The following GPR39 variants were observed in gnomAD, a reference collection of about 807,000 sequenced individuals.
GPR39 encodes zinc sensing receptor.
GPR39 carries 23 observed loss-of-function variants against 18.4 expected under a neutral mutation model. That is an observed-to-expected ratio of 1.25 (90% confidence interval 0.90 to 1.77). GPR39 has a LOEUF of 1.77. Ranked by LOEUF, GPR39 falls within the 40% of genes most tolerant of loss-of-function variation. The pLI is 0.00. For missense variants in GPR39, 647 were observed against 602.4 expected (o/e 1.07, Z -0.78); for synonymous variants, 280 against 257.9 (o/e 1.09, Z -0.82).
chr2:132,551,714 C>T (rs1012539800), intron 1 of GPR39, among the ~76,000 whole-genome samples: 2 of 152,162 alleles, frequency 1.3e-5, no homozygotes, highest in African/African-American at 4.8e-5. Flanking sequence ...AACAGTTTAC[C>T]TGCACTATAT....
intron 1 of GPR39, among the ~76,000 whole-genome samples, chr2:132,420,221 ATTTACCG>A (rs1269460373): frequency 6.6e-6 from 1 of 152,204 alleles, no homozygotes; most frequent in East Asian, 1.9e-4. Flanking sequence ...TCCTGGGGGA[ATTTACCG>A]TTTGTATTTA....
chr2:132,569,774 T>A lies in GPR39; in HGVS notation c.857-75327T>A, dbSNP rs186628106. Among the ~76,000 whole-genome samples the A allele has an allele frequency of 2.6e-5, 4 of 151,998 alleles. No individual in the cohort carries two copies. The East Asian group carries it at 7.7e-4, about 29-fold the overall frequency. On this transcript the variant is annotated intron_variant, in intron 1 of 1. Transcript: ENST00000329321. ...AGGGACCCAGTGGGAGATGATTGAA[T>A]CATGGGGTCAGGTCTTTCCTGTGCT...
intron 1 of GPR39, among the ~76,000 whole-genome samples, chr2:132,540,379 G>C (rs1055161839): frequency 6.6e-6 from 1 of 152,108 alleles, no homozygotes; most frequent in Non-Finnish European, 1.5e-5. Flanking sequence ...GGTCAGGAAG[G>C]AGCTTAGCCA....
intron 1 of GPR39, among the ~76,000 whole-genome samples, chr2:132,567,622 G>A (rs1019654611): frequency 1.3e-5 from 2 of 152,258 alleles, no homozygotes; most frequent in Admixed American, 1.3e-4. Flanking sequence ...CCGGTGTTAG[G>A]TATTCAGCTA....
At chr2:132,510,199 C>T (rs780094246) in intron 1 of GPR39, among the ~76,000 whole-genome samples, 3 of 152,076 alleles carry the variant, frequency 2.0e-5, no homozygotes, top group Non-Finnish European at 2.9e-5. Flanking sequence ...TTTTGTGAAG[C>T]GGGTTCACTG....
At chr2:132,443,858 C>A (rs2104766642) in intron 1 of GPR39, among the ~76,000 whole-genome samples, 1 of 152,242 alleles carries the variant, frequency 6.6e-6, no homozygotes, top group African/African-American at 2.4e-5. Context: ...TCTCTTGAGC[C>A]CAGGTGTTCG....
chr2:132,462,846 G>C (rs889161572), intron 1 of GPR39, among the ~76,000 whole-genome samples: 2 of 152,118 alleles, frequency 1.3e-5, no homozygotes, highest in African/African-American at 4.8e-5. Flanking sequence ...AAATAATACA[G>C]ATAAAGCATT....
chr2:132,644,666 G>T (rs974299542), intron 1 of GPR39, among the ~76,000 whole-genome samples: 2 of 139,934 alleles, frequency 1.4e-5, no homozygotes, highest in Non-Finnish European at 3.2e-5. Context: ...TCTTCTTTGT[G>T]CAGACATCCT....
intron 1 of GPR39, among the ~76,000 whole-genome samples, chr2:132,613,721 C>G (rs1185589864): frequency 6.6e-6 from 1 of 152,206 alleles, no homozygotes; most frequent in Admixed American, 6.5e-5. Flanking sequence ...TTGTCCTCAT[C>G]TTGTTCTTTC....
chr2:132,534,825 A>T (rs1053904338), intron 1 of GPR39, among the ~76,000 whole-genome samples: 40 of 149,732 alleles, frequency 2.7e-4, no homozygotes, highest in Middle Eastern at 3.4e-3. Context: ...AACATCACAC[A>T]CTGGGGACTG....
At chr2:132,496,802 T>C (rs1239777204) in intron 1 of GPR39, among the ~76,000 whole-genome samples, 1 of 152,228 alleles carries the variant, frequency 6.6e-6, no homozygotes, top group African/African-American at 2.4e-5. Flanking sequence ...CTATGCACCC[T>C]GTGCCAGGAG....
At chr2:132,522,008 C>T (rs1208850702) in intron 1 of GPR39, among the ~76,000 whole-genome samples, 1 of 152,148 alleles carries the variant, frequency 6.6e-6, no homozygotes, top group African/African-American at 2.4e-5. Flanking sequence ...CTCCCCTTCC[C>T]TTTGTGCTAA....
chr2:132,557,130 C>T (rs578108316), intron 1 of GPR39, among the ~76,000 whole-genome samples: 60 of 152,182 alleles, frequency 3.9e-4, no homozygotes, highest in Middle Eastern at 3.4e-3. Context: ...ACCAGCCTGG[C>T]CAACATGGTG....
chr2:132,589,743 C>T (rs1184434084), intron 1 of GPR39, among the ~76,000 whole-genome samples: 1 of 152,192 alleles, frequency 6.6e-6, no homozygotes, highest in African/African-American at 2.4e-5. Context: ...AAAAGGTGTC[C>T]CATTGCTCTA....
intron 1 of GPR39, among the ~76,000 whole-genome samples, chr2:132,459,974 A>G (rs1306914097): frequency 6.6e-6 from 1 of 152,324 alleles, no homozygotes; most frequent in South Asian, 2.1e-4. Context: ...GTCATGTTCC[A>G]GAGTATCAGA....
At chr2:132,518,313 G>A (rs1455522047) in intron 1 of GPR39, among the ~76,000 whole-genome samples, 1 of 152,210 alleles carries the variant, frequency 6.6e-6, no homozygotes, top group African/African-American at 2.4e-5. Context: ...CTGGATTTAT[G>A]TCCCTCTCCA....
intron 1 of GPR39, among the ~76,000 whole-genome samples, chr2:132,478,186 G>GAA (rs1224104439): frequency 2.0e-5 from 3 of 152,190 alleles, no homozygotes; most frequent in Non-Finnish European, 4.4e-5. Flanking sequence ...AGGCAGCAAA[G>GAA]AAAAAGTCTG....
At chr2:132,642,228 T>C (rs572273598) in intron 1 of GPR39, among the ~76,000 whole-genome samples, 20 of 152,340 alleles carry the variant, frequency 1.3e-4, no homozygotes, top group African/African-American at 4.8e-4. Context: ...GTCTCTCTTG[T>C]TCTACAAGTT....
At chr2:132,421,793 T>A (rs928061617) in intron 1 of GPR39, among the ~76,000 whole-genome samples, 5 of 151,868 alleles carry the variant, frequency 3.3e-5, no homozygotes, top group African/African-American at 1.2e-4. Context: ...GACCACAGAA[T>A]TAGGTCAAAC....
Sources: gnomAD v4.1 joint callset for allele counts (sites outside exome capture counted in the v4.1 genomes callset) on GRCh38, gnomAD v4.1.1 for gene constraint, MANE v1.5 for transcripts, NCBI Gene and HGNC (gene_info 2026-07-23, HGNC 2026-07-21) for gene names.